PLEKHA1: variants seen among roughly 807,000 people sequenced by gnomAD.
PLEKHA1 encodes the protein pleckstrin homology domain-containing family A member 1.
A neutral mutation model predicts 52.0 loss-of-function variants in PLEKHA1; 34 were observed. The observed-to-expected ratio is 0.65, with a 90% CI of 0.50 to 0.87. The LOEUF is 0.87. Ranked by LOEUF, PLEKHA1 falls within the 40% of genes least tolerant of loss-of-function variation. PLEKHA1 has a pLI of 0.00. For missense variants in PLEKHA1, 497 were observed against 504.2 expected, an observed-to-expected ratio of 0.99 and a Z score of 0.14; for synonymous variants, 163 against 170.7, an observed-to-expected ratio of 0.95 and a Z score of 0.35.
intron 1 of PLEKHA1, among the ~76,000 whole-genome samples, chr10:122,384,500 C>T (rs1440294674): frequency 2.0e-5 from 3 of 149,860 alleles, no homozygotes; most frequent in East Asian, 2.0e-4. Context: ...CCCAGCTGCT[C>T]GGGAGGCTGA....
At chr10:122,378,502 G>A (rs547522545) in intron 1 of PLEKHA1, among the ~76,000 whole-genome samples, 1 of 151,830 alleles carries the variant, frequency 6.6e-6, no homozygotes, top group African/African-American at 2.4e-5. Context: ...TCAGAAAGCC[G>A]AGGTGGGAGG....
At position 122,412,980 on chromosome 10, in the gene PLEKHA1, G is replaced by A. The variant is rs2097127820; in HGVS notation, c.403G>A (p.Gly135Arg). 1 of 1,613,532 alleles carries A rather than the reference G, an allele frequency of 6.2e-7. No homozygotes were observed. The highest frequency in any genetic ancestry group is 8.5e-7 in the Non-Finnish European group (1 of 1,179,630). The change falls in exon 6 of 12, where the codon GGG (glycine) becomes AGG (arginine). Residue 135 changes from glycine (G) to arginine (R), a missense_variant. Physicochemically the swap from Gly to Arg is moderately radical, Grantham distance 125. Transcript: ENST00000368990. ...TAACCTAAGTCGCCATGGTGAATGT[G>A]GGAAAAAGCAAGTGTCTTACAGAAC... ...SDNLSRHGEC[G>R]KKQVSYRTDI...
At chr10:122,418,256 G>T (rs1051409505) in intron 8 of PLEKHA1, 3 of 267,762 alleles carry the variant, frequency 1.1e-5, no homozygotes, top group African/African-American at 2.2e-5. Flanking sequence ...CTCTTGGGGG[G>T]TTAGCCCCAC....
At chr10:122,376,638 G>T (rs2096542473) in intron 1 of PLEKHA1, among the ~76,000 whole-genome samples, 1 of 152,004 alleles carries the variant, frequency 6.6e-6, no homozygotes, top group Non-Finnish European at 1.5e-5. Context: ...GGGGAAAGTA[G>T]CAGGTTTGTA....
At chr10:122,407,696 C>G (rs182531759) in intron 5 of PLEKHA1, among the ~76,000 whole-genome samples, 1 of 152,098 alleles carries the variant, frequency 6.6e-6, no homozygotes, top group Non-Finnish European at 1.5e-5. Flanking sequence ...ACATAGCAGG[C>G]CTGCCTGGAA....
At chr10:122,381,546 C>A (rs2096615058) in intron 1 of PLEKHA1, among the ~76,000 whole-genome samples, 1 of 152,132 alleles carries the variant, frequency 6.6e-6, no homozygotes, top group Non-Finnish European at 1.5e-5. Context: ...TAAGAGGTAA[C>A]TCCTCCCTCT....
chr10:122,389,886 G>T (rs1250218906), intron 1 of PLEKHA1, among the ~76,000 whole-genome samples: 1 of 134,588 alleles, frequency 7.4e-6, no homozygotes, highest in African/African-American at 2.5e-5. Context: ...AGCTACATTA[G>T]CCCCTAACAA....
intron 5 of PLEKHA1, 26 bp downstream of exon 5, chr10:122,406,699 ACGTT>A (rs1399622179): frequency 1.4e-6 from 2 of 1,473,544 alleles, no homozygotes; most frequent in African/African-American, 2.8e-5. Flanking sequence ...TTTTTGAAAA[ACGTT>A]CGATGTCTGG....
intron 5 of PLEKHA1, chr10:122,412,684 A>G: frequency 2.1e-6 from 1 of 469,630 alleles, no homozygotes; most frequent in Admixed American, 3.3e-5. Context: ...AAAGGAGAAA[A>G]ATGTGTGAAC....
intron 3 of PLEKHA1, among the ~76,000 whole-genome samples, chr10:122,399,669 G>A (rs1358458557): frequency 6.6e-6 from 1 of 152,028 alleles, no homozygotes; most frequent in African/African-American, 2.4e-5. Context: ...TGCAAGCTCC[G>A]TCCCCTGGGT....
At chr10:122,436,986 C>T (rs939456840), downstream of PLEKHA1, 2 of 128,732 alleles carry the variant, frequency 1.6e-5, no homozygotes, top group African/African-American at 5.9e-5. Context: ...CAGGAACTTA[C>T]ATCAGCCTTT....
intron 1 of PLEKHA1, among the ~76,000 whole-genome samples, chr10:122,390,037 G>A (rs2096755381): frequency 6.6e-6 from 1 of 152,218 alleles, no homozygotes; most frequent in Non-Finnish European, 1.5e-5. Flanking sequence ...ATGTCAGCTA[G>A]ATCTTCCTGG....
At chr10:122,376,946 G>A (rs1256170293) in intron 1 of PLEKHA1, among the ~76,000 whole-genome samples, 2 of 152,148 alleles carry the variant, frequency 1.3e-5, no homozygotes, top group African/African-American at 4.8e-5. Flanking sequence ...ACATTTTTAT[G>A]GGGACTTCCC....
rs563375793 is a variant in PLEKHA1, at chr10:122,431,634, A to C, written c.*1696A>C. The C allele has an allele frequency of 6.5e-6, 1 of 152,770 alleles. No homozygotes were observed. Among genetic ancestry groups the C allele is most frequent in the African/African-American group, 2.4e-5 (1 of 41,590 alleles). 9.5% of individuals were successfully genotyped at this position (152,770 alleles called of 1,614,324 possible). On this transcript the variant is annotated 3_prime_UTR_variant, in exon 12 of 12. Coordinates refer to ENST00000368990, the MANE Select transcript of PLEKHA1 (RefSeq NM_001001974.4). ...ACTACAGCAGTGCAGTCCAGAGGTT[A>C]AGATGTATTAGAATTATACAATATC...
chr10:122,412,796 CT>C lies in PLEKHA1; in HGVS notation c.343-123del. On this transcript the variant is annotated intron_variant, in intron 5 of 11. Transcript: ENST00000368990. ...ATAACTTAAGGAGTACATACATGGA[CT>C]ATAATTTTTATATGTATCTGTCAAC... 3.0e-6 allele frequency: 3 copies of C among 1,008,270 alleles called. No individual in the cohort carries two copies. In the South Asian group the frequency reaches 5.0e-5, roughly 17 times the overall value. 62.5% of individuals were successfully genotyped at this position (1,008,270 alleles called of 1,614,324 possible).
At chr10:122,404,736 T>G (rs2096982127) in intron 4 of PLEKHA1, among the ~76,000 whole-genome samples, 1 of 152,252 alleles carries the variant, frequency 6.6e-6, no homozygotes, top group Non-Finnish European at 1.5e-5. Context: ...TAAATTTCTT[T>G]TAAGGTTATA....
Position 122,430,812 on chromosome 10 carries a change from A to G in PLEKHA1, c.*874A>G, listed in dbSNP as rs1315185428. On this transcript the variant is annotated 3_prime_UTR_variant, in exon 12 of 12. Coordinates refer to ENST00000368990, the MANE Select transcript of PLEKHA1 (RefSeq NM_001001974.4). Reference sequence around the variant, plus strand: ...GTTGTGACCTCTACTTTTTGTCACTAATAGCCTACATTCAAGTGCCTGTGT... The same window carrying G: ...GTTGTGACCTCTACTTTTTGTCACTGATAGCCTACATTCAAGTGCCTGTGT... 1 of 152,380 alleles carries G rather than the reference A, an allele frequency of 6.6e-6. No individual in the cohort carries two copies. Among genetic ancestry groups the G allele is most frequent in the Non-Finnish European group, 1.5e-5 (1 of 68,040 alleles). The allele number at this position is 152,380 out of a possible 1,614,324, so 9.4% of individuals were successfully genotyped here.
the PLEKHA1 span, chr10:122,438,700 G>A: frequency 1.3e-5 from 2 of 152,230 alleles, no homozygotes; most frequent in Admixed American, 1.3e-4. Flanking sequence ...GAATGACAGT[G>A]TTCAATAACT....
chr10:122,397,875 C>A (rs748716013), intron 2 of PLEKHA1, 43 bp from the exon 3 acceptor site: 2 of 1,369,346 alleles, frequency 1.5e-6, no homozygotes, highest in Admixed American at 3.5e-5. Flanking sequence ...AAAATGAATT[C>A]ATAATATTGG....
Sources: gnomAD v4.1 joint callset for allele counts (sites outside exome capture counted in the v4.1 genomes callset) on GRCh38, gnomAD v4.1.1 for gene constraint, MANE v1.5 for transcripts, NCBI Gene and HGNC (gene_info 2026-07-23, HGNC 2026-07-21) for gene names.